CPQ: variants seen among roughly 807,000 people sequenced by gnomAD.
CPQ encodes carboxypeptidase Q.
CPQ carries 37 observed loss-of-function variants against 45.7 expected under a neutral mutation model. That is an observed-to-expected ratio of 0.81 (90% CI 0.62 to 1.07). The LOEUF (loss-of-function observed/expected upper bound fraction) is 1.07. Among genes scored for constraint, CPQ ranks in the 50% least tolerant of loss-of-function variants. CPQ has a pLI of 0.00. For missense variants in CPQ, 537 were observed against 572.9 expected (o/e 0.94, Z 0.64); for synonymous variants, 186 against 205.8 (o/e 0.90, Z 0.82).
chr8:96,787,525 CTTTTTTTTT>C (rs71267281), intron 2 of CPQ, among the ~76,000 whole-genome samples: 54 of 47,588 alleles, frequency 1.1e-3, no homozygotes, highest in Admixed American at 1.4e-3. Flanking sequence ...CTTATAATGT[CTTTTTTTTT>C]TTTTTTTTTT....
At chr8:97,082,339 C>T (rs1412846329) in intron 7 of CPQ, among the ~76,000 whole-genome samples, 3 of 152,098 alleles carry the variant, frequency 2.0e-5, no homozygotes, top group Admixed American at 6.6e-5. Flanking sequence ...AAAATTCATC[C>T]TATCTGACCC....
At chr8:96,915,045 G>A (rs1265135489) in intron 4 of CPQ, among the ~76,000 whole-genome samples, 2 of 152,110 alleles carry the variant, frequency 1.3e-5, no homozygotes, top group Non-Finnish European at 2.9e-5. Context: ...TCAGTTTCCA[G>A]GGTTATCCGT....
chr8:97,019,650 A>G (rs1041843333), intron 5 of CPQ, among the ~76,000 whole-genome samples: 6 of 152,216 alleles, frequency 3.9e-5, no homozygotes, highest in African/African-American at 1.4e-4. Context: ...TAATGATAAA[A>G]GGCCTTGTCC....
chr8:96,994,448 C>G (rs905072584), intron 5 of CPQ, among the ~76,000 whole-genome samples: 4 of 152,058 alleles, frequency 2.6e-5, no homozygotes, highest in Non-Finnish European at 4.4e-5. Context: ...TGGGGTCTAC[C>G]CAAGTCCATG....
At chr8:96,688,077 A>G (rs1809256687) in intron 1 of CPQ, among the ~76,000 whole-genome samples, 1 of 151,882 alleles carries the variant, frequency 6.6e-6, no homozygotes, top group Non-Finnish European at 1.5e-5. Flanking sequence ...CTAATTTAAG[A>G]CTTCTGTTTT....
In CPQ at chr8:96,937,660, T is replaced by C. The variant is rs190958322; in HGVS notation, c.850-28275T>C. Among the ~76,000 whole-genome samples the C allele has an allele frequency of 1.6e-3, 250 of 152,308 alleles. 2 individuals are homozygous for C. Among genetic ancestry groups the C allele is most frequent in the Admixed American group, 0.013 (192 of 15,292 alleles). On this transcript the variant is annotated intron_variant, in intron 4 of 7. Transcript: ENST00000220763. ...TGGGACGTGAGCTTTGTATGCACAGTGCAGTCCAGGATCCAGCCGACAGTC... is the reference window on the plus strand; with the variant it reads ...TGGGACGTGAGCTTTGTATGCACAGCGCAGTCCAGGATCCAGCCGACAGTC...
intron 1 of CPQ, among the ~76,000 whole-genome samples, chr8:96,728,882 C>T (rs765899000): frequency 1.3e-5 from 2 of 151,928 alleles, no homozygotes; most frequent in Admixed American, 6.6e-5. Context: ...TCCATCCTGG[C>T]AAATATGTGG....
At chr8:96,718,988 T>C (rs1194430610) in intron 1 of CPQ, among the ~76,000 whole-genome samples, 2 of 152,232 alleles carry the variant, frequency 1.3e-5, no homozygotes, top group East Asian at 3.8e-4. Flanking sequence ...AGGTTCTCCA[T>C]GTCCCCACCA....
At chr8:96,649,340 A>C (rs921573153) in intron 1 of CPQ, among the ~76,000 whole-genome samples, 2 of 152,234 alleles carry the variant, frequency 1.3e-5, no homozygotes, top group Non-Finnish European at 2.9e-5. Flanking sequence ...TTCCTTAGAA[A>C]ATAGCTACAG....
At chr8:97,059,574 G>T (rs1366622140) in intron 6 of CPQ, among the ~76,000 whole-genome samples, 1 of 151,744 alleles carries the variant, frequency 6.6e-6, no homozygotes, top group Non-Finnish European at 1.5e-5. Flanking sequence ...GAAAATAAAG[G>T]CTGTCTTTCT....
At chr8:96,827,267 G>T (rs1382475689) in intron 2 of CPQ, among the ~76,000 whole-genome samples, 1 of 151,948 alleles carries the variant, frequency 6.6e-6, no homozygotes, top group Non-Finnish European at 1.5e-5. Context: ...CTATTCTTCT[G>T]CTGTTTTTTT....
intron 3 of CPQ, among the ~76,000 whole-genome samples, chr8:96,851,696 A>G (rs1285102085): frequency 6.6e-6 from 1 of 152,136 alleles, no homozygotes; most frequent in Non-Finnish European, 1.5e-5. Context: ...CAACACCTGT[A>G]TTTTGGAGGG....
At chr8:96,769,564 T>C (rs1395509890) in intron 1 of CPQ, among the ~76,000 whole-genome samples, 1 of 151,668 alleles carries the variant, frequency 6.6e-6, no homozygotes, top group African/African-American at 2.4e-5. Context: ...GATTTCCGCA[T>C]AGATTTTGCA....
intron 3 of CPQ, among the ~76,000 whole-genome samples, chr8:96,839,708 T>G (rs1007976655): frequency 2.6e-5 from 4 of 152,212 alleles, no homozygotes; most frequent in African/African-American, 9.6e-5. Flanking sequence ...AATATTTTTA[T>G]GTAGCCAAAA....
At chr8:97,044,382 C>T (rs529797031) in intron 6 of CPQ, among the ~76,000 whole-genome samples, 68 of 152,266 alleles carry the variant, frequency 4.5e-4, no homozygotes, top group Non-Finnish European at 8.7e-4. Flanking sequence ...GTTATACATT[C>T]GTCTAAATTT....
At chr8:97,107,622 G>C (rs1811425612) in intron 7 of CPQ, among the ~76,000 whole-genome samples, 1 of 151,360 alleles carries the variant, frequency 6.6e-6, no homozygotes, top group Non-Finnish European at 1.5e-5. Context: ...CCATGATCTA[G>C]ATGGCAGGAA....
intron 4 of CPQ, among the ~76,000 whole-genome samples, chr8:96,942,487 G>C (rs1170710004): frequency 6.6e-6 from 1 of 152,104 alleles, no homozygotes; most frequent in Non-Finnish European, 1.5e-5. Context: ...CAGGGACCAA[G>C]CAAATGAAAA....
chr8:96,920,769 C>T (rs1282792682), intron 4 of CPQ, among the ~76,000 whole-genome samples: 1 of 152,084 alleles, frequency 6.6e-6, no homozygotes, highest in Non-Finnish European at 1.5e-5. Flanking sequence ...AGAGGGGGAC[C>T]ACCTTGTGAA....
intron 1 of CPQ, among the ~76,000 whole-genome samples, chr8:96,678,518 T>A (rs968974132): frequency 2.0e-5 from 3 of 152,094 alleles, no homozygotes; most frequent in Non-Finnish European, 4.4e-5. Flanking sequence ...GCTGCACTAA[T>A]TTAGATTCCC....
Sources: gnomAD v4.1 joint callset for allele counts (sites outside exome capture counted in the v4.1 genomes callset) on GRCh38, gnomAD v4.1.1 for gene constraint, MANE v1.5 for transcripts, NCBI Gene and HGNC (gene_info 2026-07-23, HGNC 2026-07-21) for gene names.